Variants in ADPRHL1 observed in about 807,000 individuals in gnomAD.
The protein encoded by ADPRHL1 is inactive ADP-ribosyltransferase ARH2.
ADPRHL1 carries 43 observed loss-of-function variants against 44.1 expected under a neutral mutation model. That is an observed-to-expected ratio of 0.98 (90% CI 0.76 to 1.26). ADPRHL1 has a LOEUF of 1.26. Ranked by LOEUF, ADPRHL1 falls within the 50% of genes most tolerant of loss-of-function variation. The pLI is 0.00. For missense variants in ADPRHL1, 2,022 were observed against 2,496.9 expected, an observed-to-expected ratio of 0.81 and a Z score of 4.05; for synonymous variants, 878 against 1,017.4, an observed-to-expected ratio of 0.86 and a Z score of 2.61.
intron 6 of ADPRHL1, 143 bp downstream of exon 6, chr13:113,424,074 T>C: frequency 8.4e-7 from 1 of 1,185,322 alleles, no homozygotes. Flanking sequence ...CCAAAGTGGG[T>C]TCCAGAAAGG....
At chr13:113,424,050 G>A (rs910119866) in intron 6 of ADPRHL1, among the ~76,000 whole-genome samples, 167 bp downstream of exon 6, 2 of 152,168 alleles carry the variant, frequency 1.3e-5, no homozygotes, top group Non-Finnish European at 2.9e-5. Context: ...GTATACCCTG[G>A]AGCCTGTGCC....
chr13:113,426,322 C>A (rs2139622450), intron 4 of ADPRHL1, among the ~76,000 whole-genome samples: 2 of 152,358 alleles, frequency 1.3e-5, no homozygotes, highest in East Asian at 3.9e-4. Context: ...CACCCCACCT[C>A]CTGCTCCCTG....
intron 7 of ADPRHL1, among the ~76,000 whole-genome samples, chr13:113,411,835 T>C (rs1298809522): frequency 6.6e-6 from 1 of 152,192 alleles, no homozygotes; most frequent in African/African-American, 2.4e-5. Flanking sequence ...CCTTTGTGTT[T>C]TGCAATCATC....
rs2043781138 is a variant in ADPRHL1, at chr13:113,403,721, A to G, written c.5561T>C (p.Leu1854Pro). The G allele has an allele frequency of 1.6e-6, 2 of 1,231,948 alleles. No individual in the cohort carries two copies. The highest frequency in any genetic ancestry group is 2.0e-6 in the Non-Finnish European group (2 of 988,336). 76.3% of individuals were successfully genotyped at this position (1,231,948 alleles called of 1,614,324 possible). ...RDGGQSGGSGLGEPSAGYPPP... is the reference protein window; with the variant it reads ...RDGGQSGGSGPGEPSAGYPPP... The stretch of plus-strand genomic sequence containing the variant: ...TGGGTACCCGGCGCTGGGCTCCCCC[A>G]GGCCACTGCCCCCTGACTGTCCACC... The change falls in exon 8 of 8, where the codon CTG (leucine) becomes CCG (proline). Residue 1854 changes from leucine (L) to proline (P), a missense_variant. Leu to Pro is a moderately conservative substitution (Grantham distance 98). This residue lies in a region of ADPRHL1 where 205 missense variants were observed against 250.1 expected (regional missense o/e 0.82). Coordinates refer to ENST00000612156, the MANE Select transcript of ADPRHL1 (RefSeq NM_001394807.1).
chr13:113,445,963 C>T (rs1268269223), intron 1 of ADPRHL1, among the ~76,000 whole-genome samples: 1 of 151,546 alleles, frequency 6.6e-6, no homozygotes, highest in Non-Finnish European at 1.5e-5. Context: ...CTGCAAACCC[C>T]TGGAGAGAGT....
At position 113,406,982 on chromosome 13, in the gene ADPRHL1, G is replaced by C. The variant is rs1348112853; in HGVS notation, c.2300C>G (p.Pro767Arg). The change falls in exon 8 of 8, where the codon CCT (proline) becomes CGT (arginine). Residue 767 changes from proline to arginine, a missense_variant. By Grantham distance (103) the Pro-to-Arg change is moderately radical (BLOSUM62 -2). Transcript: ENST00000612156. ...EVRGARLTWP[P>R]GPPGECAGEG... ...CCCTGCACACTCGCCTGGGGGCCCAGGAGGCCACGTGAGCCTGGCTCCCCT... is the reference window on the plus strand; with the variant it reads ...CCCTGCACACTCGCCTGGGGGCCCACGAGGCCACGTGAGCCTGGCTCCCCT... 8.1e-7 allele frequency: 1 copy of C among 1,232,158 alleles called. No individual in the cohort carries two copies. Among genetic ancestry groups the C allele is most frequent in the East Asian group, 3.2e-5 (1 of 31,732 alleles). The allele number at this position is 1,232,158 out of a possible 1,614,324, so 76.3% of individuals were successfully genotyped here. A position where few individuals can be genotyped will look rare whatever the true frequency, so the allele number is the denominator to read the frequency against.
At chr13:113,415,230 C>T (rs1045652526) in intron 7 of ADPRHL1, among the ~76,000 whole-genome samples, 8 of 152,184 alleles carry the variant, frequency 5.3e-5, no homozygotes, top group African/African-American at 1.4e-4. Flanking sequence ...CTTCTGGAGA[C>T]GCGGACCTGC....
chr13:113,433,200 C>T (rs1161227593), intron 3 of ADPRHL1, among the ~76,000 whole-genome samples: 2 of 152,188 alleles, frequency 1.3e-5, no homozygotes, highest in South Asian at 4.1e-4. Context: ...GGGGTGGAGC[C>T]GCTCCCGTGG....
chr13:113,404,616 C>T lies in ADPRHL1; in HGVS notation c.4666G>A (p.Ala1556Thr). Reference sequence around the variant, plus strand: ...GCCTCTATCTGGGTCTGCCACTGGGCCTGTTCTTGAGCGTGTCCCTGAGCC... The same window carrying T: ...GCCTCTATCTGGGTCTGCCACTGGGTCTGTTCTTGAGCGTGTCCCTGAGCC... ...GQAQGHAQEQ[A>T]QWQTQIEAQG... The change falls in exon 8 of 8, where the codon GCC (alanine) becomes ACC (threonine). Residue 1556 changes from alanine to threonine, a missense_variant. Transcript: ENST00000612156. The T allele has an allele frequency of 7.6e-7, 1 of 1,311,378 alleles. No homozygotes were observed. The highest frequency in any genetic ancestry group is 9.6e-7 in the Non-Finnish European group (1 of 1,038,494). 81.2% of individuals were successfully genotyped at this position (1,311,378 alleles called of 1,614,324 possible).
chr13:113,404,338 A>G lies in ADPRHL1; in HGVS notation c.4944T>C (p.Ala1648=). 7.6e-7 allele frequency: 1 copy of G among 1,318,320 alleles called. No homozygotes were observed. The highest frequency in any genetic ancestry group is 9.6e-7 in the Non-Finnish European group (1 of 1,042,348). 81.7% of individuals were successfully genotyped at this position (1,318,320 alleles called of 1,614,324 possible). ...ERVQGQAQKG[A]QERAQEQAQE... Reference sequence around the variant, plus strand: ...GAGCCTGTTCCTGGGCCCGTTCCTGAGCCCCTTTCTGGGCCTGACCCTGAA... The same window carrying G: ...GAGCCTGTTCCTGGGCCCGTTCCTGGGCCCCTTTCTGGGCCTGACCCTGAA... Residue 1648 remains alanine, a synonymous_variant, in exon 8 of 8, where the codon GCT becomes GCC. Coordinates refer to ENST00000612156, the MANE Select transcript of ADPRHL1 (RefSeq NM_001394807.1).
At chr13:113,418,852 C>G (rs1399175388) in intron 7 of ADPRHL1, among the ~76,000 whole-genome samples, 1 of 152,078 alleles carries the variant, frequency 6.6e-6, no homozygotes, top group African/African-American at 2.4e-5. Flanking sequence ...CTGCCCCTTC[C>G]TGGTGCCTGA....
chr13:113,420,587 C>T (rs34097633), intron 7 of ADPRHL1, among the ~76,000 whole-genome samples: 1 of 151,976 alleles, frequency 6.6e-6, no homozygotes, highest in East Asian at 1.9e-4. Flanking sequence ...CCCACACCCA[C>T]GGGTGCTGGG....
chr13:113,414,628 G>A (rs1332103888), intron 7 of ADPRHL1, among the ~76,000 whole-genome samples: 1 of 151,766 alleles, frequency 6.6e-6, no homozygotes, highest in East Asian at 1.9e-4. Flanking sequence ...GCAGGGCCAC[G>A]TGCCTCTGCA....
At chr13:113,422,349 TGTGGACATGGGAGG>T (rs930284822) in intron 7 of ADPRHL1, 1 of 138,734 alleles carries the variant, frequency 7.2e-6, no homozygotes, top group Admixed American at 7.4e-5. Context: ...CACGACCCAC[TGTGGACATGGGAGG>T]GTGGGGGGTG....
In ADPRHL1 at chr13:113,403,879, C is replaced by A; in HGVS notation, c.5403G>T (p.Trp1801Cys). 1 of 1,264,598 alleles carries A rather than the reference C, an allele frequency of 7.9e-7. No homozygotes were observed. Among genetic ancestry groups the A allele is most frequent in the Non-Finnish European group, 9.9e-7 (1 of 1,010,164 alleles). The allele number at this position is 1,264,598 out of a possible 1,614,324, so 78.3% of individuals were successfully genotyped here. Residue 1801 changes from tryptophan (W) to cysteine (C), a missense_variant, in exon 8 of 8, where the codon TGG (tryptophan) becomes TGT (cysteine). Around this residue, in one of 8 missense-constraint regions of ADPRHL1, gnomAD observed 205 missense variants for 250.1 expected, o/e 0.82. Coordinates refer to ENST00000612156, the MANE Select transcript of ADPRHL1 (RefSeq NM_001394807.1). ...QTQKGAQERA[W>C]EQGREQALTS... Reference sequence around the variant, plus strand: ...TCAAGGCCTGTTCCCGACCCTGTTCCCAAGCCCGTTCCTGAGCCCCTTTCT... The same window carrying A: ...TCAAGGCCTGTTCCCGACCCTGTTCACAAGCCCGTTCCTGAGCCCCTTTCT...
At position 113,441,628 on chromosome 13, in the gene ADPRHL1, G is replaced by T. The variant is rs112911572; in HGVS notation, c.379+2797C>A. Among the ~76,000 whole-genome samples, 1 of 152,156 alleles carries T rather than the reference G, an allele frequency of 6.6e-6. No individual in the cohort carries two copies. Among genetic ancestry groups the T allele is most frequent in the Non-Finnish European group, 1.5e-5 (1 of 68,018 alleles). On this transcript the variant is annotated intron_variant, in intron 2 of 7. Coordinates refer to ENST00000612156, the MANE Select transcript of ADPRHL1 (RefSeq NM_001394807.1). The surrounding 1 kb of genome is among the most constrained non-coding windows in gnomAD (Gnocchi z 6.0). Reference sequence around the variant, plus strand: ...ATTTTTAAGTCAATTATCTTTTAAAGATATTTAAATAACATGTTTTAAAAT... The same window carrying T: ...ATTTTTAAGTCAATTATCTTTTAAATATATTTAAATAACATGTTTTAAAAT...
intron 3 of ADPRHL1, 26 bp from the exon 4 acceptor site, chr13:113,429,118 G>C: frequency 6.3e-7 from 1 of 1,598,212 alleles, no homozygotes; most frequent in Non-Finnish European, 8.5e-7. Flanking sequence ...GAGAGAGGGG[G>C]CACCATCACC....
Position 113,409,551 on chromosome 13 carries a change from C to T in ADPRHL1, c.1062-1331G>A, listed in dbSNP as rs555517844. On this transcript the variant is annotated intron_variant, in intron 7 of 7. Transcript: ENST00000612156. This position sits in a 1 kb window ranked among gnomAD's most constrained non-coding sequence, Gnocchi z 4.2. ...GTCGGTGGCCGGATGCGGCTGGTGACGTGGTGCCAAGTGAAAAGCTCACTC... is the reference window on the plus strand; with the variant it reads ...GTCGGTGGCCGGATGCGGCTGGTGATGTGGTGCCAAGTGAAAAGCTCACTC... The T allele has an allele frequency of 1.5e-5, 15 of 985,204 alleles. No individual in the cohort carries two copies. The highest frequency in any genetic ancestry group is 1.1e-4 in the East Asian group (1 of 8,818). 61.0% of individuals were successfully genotyped at this position (985,204 alleles called of 1,614,324 possible). A position where few individuals can be genotyped will look rare whatever the true frequency, so the allele number is the denominator to read the frequency against.
chr13:113,443,603 A>C lies in ADPRHL1; in HGVS notation c.379+822T>G, dbSNP rs539134714. Among the ~76,000 whole-genome samples the C allele has an allele frequency of 2.6e-5, 4 of 152,174 alleles. No individual in the cohort carries two copies. The East Asian group carries it at 7.7e-4, about 29-fold the overall frequency. On this transcript the variant is annotated intron_variant, in intron 2 of 7. Transcript: ENST00000612156. ...CACTGCACTCCAGCCTGGGTGATGG[A>C]GTGAGACCCTGTCTACAAAATAAAT... is the stretch of plus-strand genomic sequence containing the variant.
Sources: gnomAD v4.1 joint callset for allele counts (sites outside exome capture counted in the v4.1 genomes callset) on GRCh38, gnomAD v4.1.1 for gene constraint, gnomAD v4.1.1 regional missense constraint, Gnocchi (gnomAD v3.1) non-coding constraint, MANE v1.5 for transcripts, NCBI Gene and HGNC (gene_info 2026-07-23, HGNC 2026-07-21) for gene names.